IL23R: variants seen among roughly 807,000 people sequenced by gnomAD.
IL23R encodes the protein interleukin 23 receptor.
IL23R carries 34 observed loss-of-function variants against 56.9 expected under a neutral mutation model. The ratio of observed to expected loss-of-function variants is 0.60; its 90% CI spans 0.45 to 0.80. The LOEUF (loss-of-function observed/expected upper bound fraction) is 0.80. Ranked by LOEUF, IL23R falls within the 30% of genes least tolerant of loss-of-function variation. IL23R has a pLI of 0.00. For missense variants in IL23R, 635 were observed against 730.0 expected (o/e 0.87, Z 1.50); for synonymous variants, 230 against 249.2 (o/e 0.92, Z 0.73).
At chr1:67,239,255 G>A (rs963814010) in intron 8 of IL23R, among the ~76,000 whole-genome samples, 1 of 152,032 alleles carries the variant, frequency 6.6e-6, no homozygotes, top group Non-Finnish European at 1.5e-5. Context: ...AAAAGCATTG[G>A]TTTTGTTTGT....
chr1:67,232,456 A>G (rs1651163478), intron 7 of IL23R, among the ~76,000 whole-genome samples: 1 of 152,114 alleles, frequency 6.6e-6, no homozygotes, highest in Non-Finnish European at 1.5e-5. Flanking sequence ...CCTGCTGTGG[A>G]AGTGAGGTTA....
intron 6 of IL23R, among the ~76,000 whole-genome samples, chr1:67,211,639 A>T (rs1231087312): frequency 6.6e-6 from 1 of 151,934 alleles, no homozygotes; most frequent in Non-Finnish European, 1.5e-5. Context: ...AAAAAAAAAA[A>T]GGATACCAAA....
intron 1 of IL23R, among the ~76,000 whole-genome samples, chr1:67,148,289 C>G: frequency 6.6e-6 from 1 of 152,218 alleles, no homozygotes; most frequent in East Asian, 1.9e-4. Context: ...AAACGTGGAC[C>G]AGAAGAGTGT....
chr1:67,168,093 G>A lies in IL23R; in HGVS notation c.-28G>A, dbSNP rs1222781454. On this transcript the variant is annotated splice_region_variant and 5_prime_UTR_variant, in exon 2 of 11. Coordinates refer to ENST00000347310, the MANE Select transcript of IL23R (RefSeq NM_144701.3). Reference sequence around the variant, plus strand: ...ACATTTTTCATATTTTTTTTCCAGAGGGAAACAGTCTTTTCCTGCTTCCAG... The same window carrying A: ...ACATTTTTCATATTTTTTTTCCAGAAGGAAACAGTCTTTTCCTGCTTCCAG... The A allele has an allele frequency of 2.0e-6, 3 of 1,511,976 alleles. No homozygotes were observed. Among genetic ancestry groups the A allele is most frequent in the South Asian group, 2.3e-5 (2 of 88,356 alleles). The allele number at this position is 1,511,976 out of a possible 1,614,324, so 93.7% of individuals were successfully genotyped here.
intron 6 of IL23R, among the ~76,000 whole-genome samples, chr1:67,218,929 G>GA (rs11369105): frequency 0.34 from 50,902 of 147,720 alleles, 9,353 homozygotes; most frequent in East Asian, 0.72. Flanking sequence ...ACCCTATCTA[G>GA]AAAAAAAATA....
intron 7 of IL23R, among the ~76,000 whole-genome samples, chr1:67,228,063 CTG>C (rs760909455): frequency 0.011 from 939 of 88,454 alleles, 177 homozygotes; most frequent in East Asian, 0.088. Context: ...CTTTCTTTCT[CTG>C]TCTCTCTCTT....
At chr1:67,254,604 A>G (rs561223640) in intron 9 of IL23R, among the ~76,000 whole-genome samples, 3 of 152,300 alleles carry the variant, frequency 2.0e-5, no homozygotes, top group African/African-American at 4.8e-5. Flanking sequence ...TATTTACCCT[A>G]AAGTCCAAGG....
Position 67,191,612 on chromosome 1 carries a change from G to GA in IL23R, c.491+8661dup, listed in dbSNP as rs201762222. Among the ~76,000 whole-genome samples the GA allele has an allele frequency of 3.2e-3, 479 of 151,360 alleles. 5 individuals carry two copies. Among genetic ancestry groups the GA allele is most frequent in the African/African-American group, 0.011 (460 of 41,280 alleles). On this transcript the variant is annotated intron_variant, in intron 4 of 10. Coordinates refer to ENST00000347310, the MANE Select transcript of IL23R (RefSeq NM_144701.3). ...ACCCAATTTCTCTGTTTCTTTTTAT[G>GA]AAAAAAAATCAAAAGAGTTGTCTGC... is the stretch of plus-strand genomic sequence containing the variant.
At chr1:67,233,108 G>A (rs975284755) in intron 7 of IL23R, among the ~76,000 whole-genome samples, 7 of 150,758 alleles carry the variant, frequency 4.6e-5, no homozygotes, top group African/African-American at 1.7e-4. Flanking sequence ...CAGCATTTTG[G>A]GAGGCTGAAG....
rs1208601420 is a variant in IL23R at position 67,212,037 on chromosome 1, T to C, written c.798+4982T>C. Among the ~76,000 whole-genome samples the C allele has an allele frequency of 2.0e-5, 3 of 152,164 alleles. No individual in the cohort carries two copies. In the East Asian group the frequency reaches 5.8e-4, roughly 29 times the overall value. ...CAGTAACTAAGTGCCTCTCACAGAC[T>C]CTACATCACTTTAAAGACCAAATAA... On this transcript the variant is annotated intron_variant, in intron 6 of 10. Transcript: ENST00000347310.
chr1:67,190,031 G>A (rs1326205904), intron 4 of IL23R, among the ~76,000 whole-genome samples: 1 of 152,118 alleles, frequency 6.6e-6, no homozygotes, highest in Non-Finnish European at 1.5e-5. Context: ...TGTTGTGGTC[G>A]AGGTAGTATT....
At chr1:67,249,557 G>A (rs1029697708) in intron 9 of IL23R, among the ~76,000 whole-genome samples, 14 of 151,846 alleles carry the variant, frequency 9.2e-5, no homozygotes, top group Admixed American at 9.2e-4. Context: ...TCAGACATTA[G>A]AATTTTAGAA....
intron 7 of IL23R, among the ~76,000 whole-genome samples, chr1:67,222,676 T>A (rs1200230802): frequency 6.6e-6 from 1 of 152,230 alleles, no homozygotes; most frequent in East Asian, 1.9e-4. Context: ...TATTTGGTAG[T>A]GTAATTAGCG....
At chr1:67,257,021 A>G (rs192829638) in intron 10 of IL23R, among the ~76,000 whole-genome samples, 66 of 152,216 alleles carry the variant, frequency 4.3e-4, no homozygotes, top group Middle Eastern at 6.8e-3. Context: ...ATGAAGCAAT[A>G]CCCAATGTGC....
At position 67,143,672 on chromosome 1, in the gene IL23R, A is replaced by C. The variant is rs137965004; in HGVS notation, c.-634+4511A>C. Among the ~76,000 whole-genome samples the C allele has an allele frequency of 9.1e-3, 1,392 of 152,338 alleles. 9 individuals carry two copies. The highest frequency in any genetic ancestry group is 0.014 in the Non-Finnish European group (972 of 68,034). On this transcript the variant is annotated intron_variant, in intron 1 of 10. Transcript: ENST00000637002. ...CACTTCCAGCCTTCCCTACAAGTAGACTGAGCACACTCCTGAGACCAGAAA... is the reference window on the plus strand; with the variant it reads ...CACTTCCAGCCTTCCCTACAAGTAGCCTGAGCACACTCCTGAGACCAGAAA...
intron 7 of IL23R, among the ~76,000 whole-genome samples, chr1:67,228,151 T>TTTCC (rs71062406): frequency 0.22 from 12,706 of 57,856 alleles, 2,367 homozygotes; most frequent in Admixed American, 0.26. Flanking sequence ...TGTCTTTCTT[T>TTTCC]TTCCTTCCTT....
chr1:67,162,094 A>G (rs12753257), upstream of IL23R, among the ~76,000 whole-genome samples: 1 of 152,070 alleles, frequency 6.6e-6, no homozygotes, highest in East Asian at 1.9e-4. Context: ...AGTTAACCAA[A>G]TCTGAAAGAA....
intron 10 of IL23R, among the ~76,000 whole-genome samples, chr1:67,256,683 G>C (rs933969939): frequency 6.6e-6 from 1 of 152,170 alleles, no homozygotes; most frequent in Non-Finnish European, 1.5e-5. Context: ...ACTGAAAGGA[G>C]AGGAGCTGCT....
intron 7 of IL23R, among the ~76,000 whole-genome samples, chr1:67,223,227 C>CA (rs1650416909): frequency 6.6e-6 from 1 of 152,012 alleles, no homozygotes; most frequent in Admixed American, 6.6e-5. Context: ...GCACTCCAGC[C>CA]TGGGTGACAG....
Sources: allele counts gnomAD v4.1 joint callset (sites outside exome capture counted in the v4.1 genomes callset), GRCh38; gene constraint gnomAD v4.1.1; transcripts MANE v1.5; gene names NCBI Gene and HGNC (gene_info 2026-07-23, HGNC 2026-07-21).